SLC24A5: variants seen among roughly 807,000 people sequenced by gnomAD.
The protein encoded by SLC24A5 is solute carrier family 24 member 5, also known as sodium/potassium/calcium exchanger 5.
SLC24A5 carries 46 observed loss-of-function variants against 51.6 expected under a neutral mutation model. The observed-to-expected ratio is 0.89, with a 90% CI of 0.70 to 1.14. The LOEUF is 1.14. Ranked by LOEUF, SLC24A5 falls within the 50% of genes most tolerant of loss-of-function variation. The pLI is 0.00. For missense variants in SLC24A5, 581 were observed against 604.1 expected (o/e 0.96, Z 0.40); for synonymous variants, 230 against 214.9 (o/e 1.07, Z -0.62).
chr15:48,121,956 T>G lies in SLC24A5; in HGVS notation c.221T>G (p.Leu74Arg). 1 of 1,614,176 alleles carries G rather than the reference T, an allele frequency of 6.2e-7. No individual in the cohort carries two copies. Among genetic ancestry groups the G allele is most frequent in the Middle Eastern group, 1.6e-4 (1 of 6,062 alleles). ...RRDGGIIIYFLIIVYMFMAIS... is the reference protein window; with the variant it reads ...RRDGGIIIYFRIIVYMFMAIS... ...GATGGAGGCATCATAATCTATTTCCTAATTATCGTTTACATGTTCATGGCC... is the reference window on the plus strand; with the variant it reads ...GATGGAGGCATCATAATCTATTTCCGAATTATCGTTTACATGTTCATGGCC... Residue 74 changes from leucine (L) to arginine (R), a missense_variant, in exon 2 of 9, where the codon CTA (leucine) becomes CGA (arginine). Transcript: ENST00000341459.
Position 48,141,100 on chromosome 15 carries a change from C to T in SLC24A5, c.1079-13C>T. 6.3e-7 allele frequency: 1 copy of T among 1,589,760 alleles called. No individual in the cohort carries two copies. The highest frequency in any genetic ancestry group is 8.6e-7 in the Non-Finnish European group (1 of 1,160,542). On this transcript the variant is annotated splice_polypyrimidine_tract_variant and intron_variant, in intron 7 of 8. Transcript: ENST00000341459. ...CTTTAAGATTTGTAACTTGAAATAT[C>T]TGTTTATTACAGGGGAAACACTAGA... is the stretch of plus-strand genomic sequence containing the variant.
At chr15:48,121,315 C>T in intron 1 of SLC24A5, 150 bp downstream of exon 1, 2 of 833,312 alleles carry the variant, frequency 2.4e-6, no homozygotes, top group Non-Finnish European at 3.5e-6. Context: ...ATATCAAACA[C>T]TTTTGATCCT....
rs764407321 is a variant in SLC24A5 at position 48,121,940 on chromosome 15, A to G, written c.205A>G (p.Ile69Val). 10 of 1,614,180 alleles carry G rather than the reference A, an allele frequency of 6.2e-6. No homozygotes were observed. In the East Asian group the frequency reaches 2.0e-4, roughly 32 times the overall value. The change falls in exon 2 of 9, where the codon ATC becomes GTC. Residue 69 changes from isoleucine to valine, a missense_variant. By Grantham distance (29) the Ile-to-Val change is conservative. Transcript: ENST00000341459. ...GAGACAGGAGCGCAGAGATGGAGGC[A>G]TCATAATCTATTTCCTAATTATCGT... Reference protein sequence around the residue: ...FTRQERRDGGIIIYFLIIVYM... With the variant: ...FTRQERRDGGVIIYFLIIVYM...
At chr15:48,127,900 C>T (rs573889345) in intron 2 of SLC24A5, among the ~76,000 whole-genome samples, 182 of 151,746 alleles carry the variant, frequency 1.2e-3, no homozygotes, top group Non-Finnish European at 2.0e-3. Context: ...ACATTAGCAT[C>T]TATACCATTT....
chr15:48,123,245 T>G (rs192557830), intron 2 of SLC24A5: 1 of 151,938 alleles, frequency 6.6e-6, no homozygotes, highest in East Asian at 1.9e-4. Context: ...TATCTTGACG[T>G]TACATCTTAT....
At position 48,136,713 on chromosome 15, in the gene SLC24A5, T is replaced by C. The variant is rs1203119172; in HGVS notation, c.621T>C (p.Tyr207=). Residue 207 remains tyrosine (Y), a synonymous_variant, in exon 6 of 9, where the codon TAT becomes TAC. Coordinates refer to ENST00000341459, the MANE Select transcript of SLC24A5 (RefSeq NM_205850.3). Reference sequence around the variant, plus strand: ...AAGGGGCTTTACTGCTTTTGATATATGGATTGTATGTTTTGGTGCTGTGTT... The same window carrying C: ...AAGGGGCTTTACTGCTTTTGATATACGGATTGTATGTTTTGGTGCTGTGTT... ...WYEGALLLLI[Y]GLYVLVLCFD... The C allele has an allele frequency of 2.5e-6, 4 of 1,612,396 alleles. No homozygotes were observed. Among genetic ancestry groups the C allele is most frequent in the Non-Finnish European group, 3.4e-6 (4 of 1,179,186 alleles).
At chr15:48,130,115 T>C (rs2038774788) in intron 2 of SLC24A5, among the ~76,000 whole-genome samples, 1 of 152,172 alleles carries the variant, frequency 6.6e-6, no homozygotes, top group South Asian at 2.1e-4. Context: ...AACAATGTGT[T>C]GATATCTAAA....
rs917094218 is a variant in SLC24A5 at position 48,134,983 on chromosome 15, T to C, written c.589T>C (p.Trp197Arg). 1.9e-6 allele frequency: 3 copies of C among 1,593,530 alleles called. No individual in the cohort carries two copies. Among genetic ancestry groups the C allele is most frequent in the Non-Finnish European group, 2.6e-6 (3 of 1,163,290 alleles). ...TATAATATATGACAACCAAGTTTAC[T>C]GGTAAGCTTGAAAATAATTCTTATG... ...LGIIYDNQVYWYEGALLLLIY... is the reference protein window; with the variant it reads ...LGIIYDNQVYRYEGALLLLIY... The change falls in exon 5 of 9, where the codon TGG becomes CGG. Residue 197 changes from tryptophan to arginine, a missense_variant and splice_region_variant. Trp to Arg is a moderately radical substitution (Grantham distance 101). Transcript: ENST00000341459.
At chr15:48,121,439 G>A (rs907928800) in intron 1 of SLC24A5, among the ~76,000 whole-genome samples, 4 of 152,124 alleles carry the variant, frequency 2.6e-5, no homozygotes, top group Non-Finnish European at 4.4e-5. Context: ...TTTCATCTTA[G>A]AAATTCTCTC....
chr15:48,134,485 G>A lies in SLC24A5; in HGVS notation c.436G>A (p.Ala146Thr), dbSNP rs1460064860. 1 of 1,613,468 alleles carries A rather than the reference G, an allele frequency of 6.2e-7. No homozygotes were observed. Among genetic ancestry groups the A allele is most frequent in the African/African-American group, 1.3e-5 (1 of 74,902 alleles). ...DIGISTILGS[A>T]IYNLLGICAA... ...TGGCATTAGCACCATCCTTGGATCTGCAATTTATAATCTCCTTGGCATCTG... is the reference window on the plus strand; with the variant it reads ...TGGCATTAGCACCATCCTTGGATCTACAATTTATAATCTCCTTGGCATCTG... Residue 146 changes from alanine (A) to threonine (T), a missense_variant, in exon 4 of 9, where the codon GCA becomes ACA. Coordinates refer to ENST00000341459, the MANE Select transcript of SLC24A5 (RefSeq NM_205850.3).
At chr15:48,135,950 G>A (rs756576989) in intron 5 of SLC24A5, 3 of 152,084 alleles carry the variant, frequency 2.0e-5, no homozygotes, top group South Asian at 2.1e-4. Flanking sequence ...TCCTCCATTA[G>A]GGAAATCAGA....
At chr15:48,137,049 C>T in intron 6 of SLC24A5, 86 bp downstream of exon 6, 16 of 1,398,092 alleles carry the variant, frequency 1.1e-5, no homozygotes, top group Non-Finnish European at 1.4e-5. Flanking sequence ...GTATTGTGTG[C>T]TTTTTATGTA....
At chr15:48,132,581 C>T (rs764657566) in intron 2 of SLC24A5, among the ~76,000 whole-genome samples, 1 of 152,064 alleles carries the variant, frequency 6.6e-6, no homozygotes, top group Non-Finnish European at 1.5e-5. Context: ...CTAAAAACAA[C>T]AATTACTTTC....
At chr15:48,133,001 G>T (rs1350196890) in intron 2 of SLC24A5, among the ~76,000 whole-genome samples, 1 of 151,974 alleles carries the variant, frequency 6.6e-6, no homozygotes, top group South Asian at 2.1e-4. Flanking sequence ...AAAGGAATCA[G>T]TAAGCTCAAA....
chr15:48,125,111 G>A (rs1447115344), intron 2 of SLC24A5, among the ~76,000 whole-genome samples: 4 of 151,970 alleles, frequency 2.6e-5, no homozygotes, highest in African/African-American at 4.8e-5. Flanking sequence ...GATGAGCATT[G>A]AGTCATAATA....
chr15:48,124,962 C>A (rs1567220404), intron 2 of SLC24A5, among the ~76,000 whole-genome samples: 1 of 152,138 alleles, frequency 6.6e-6, no homozygotes, highest in Non-Finnish European at 1.5e-5. Flanking sequence ...TTAATTCTGT[C>A]ACTTCTCTTT....
Position 48,142,578 on chromosome 15 carries a change from C to A in SLC24A5, c.*227C>A. 2.2e-6 allele frequency: 1 copy of A among 462,080 alleles called. No individual in the cohort carries two copies. The allele number at this position is 462,080 out of a possible 1,614,324, so 28.6% of individuals were successfully genotyped here. A position where few individuals can be genotyped will look rare whatever the true frequency, so the allele number is the denominator to read the frequency against. ...TTGGGGGGAAAAAATCTATGTTTTA[C>A]CATACAATAAGTTGACAAAAACTGG... On this transcript the variant is annotated 3_prime_UTR_variant, in exon 9 of 9. Coordinates refer to ENST00000341459, the MANE Select transcript of SLC24A5 (RefSeq NM_205850.3).
At chr15:48,125,735 TC>T (rs1404376408) in intron 2 of SLC24A5, among the ~76,000 whole-genome samples, 15 of 152,210 alleles carry the variant, frequency 9.9e-5, no homozygotes, top group Non-Finnish European at 4.4e-5. Context: ...TAGACACTTA[TC>T]CATAAGCTCC....
chr15:48,138,935 G>T, intron 6 of SLC24A5, 34 bp from the exon 7 acceptor site: 1 of 1,521,686 alleles, frequency 6.6e-7, no homozygotes, highest in Non-Finnish European at 9.0e-7. Context: ...AGCCATTTGA[G>T]AAAACTCAAA....
Sources: allele counts gnomAD v4.1 joint callset (sites outside exome capture counted in the v4.1 genomes callset), GRCh38; gene constraint gnomAD v4.1.1; transcripts MANE v1.5; gene names NCBI Gene and HGNC (gene_info 2026-07-23, HGNC 2026-07-21).